The following PEX26 variants were observed in gnomAD, a reference collection of about 807,000 sequenced individuals.
PEX26 encodes peroxisome assembly protein 26.
Under a neutral mutation model 31.4 loss-of-function variants are expected in PEX26, and 18 were observed. That is an observed-to-expected ratio of 0.57 (90% confidence interval 0.40 to 0.85). The LOEUF (loss-of-function observed/expected upper bound fraction) is 0.85. Among genes scored for constraint, PEX26 ranks in the 40% least tolerant of loss-of-function variants. The probability of loss-of-function intolerance (pLI) is 0.00; values close to 1 mark genes in which losing one functional copy is unlikely to be tolerated. For synonymous variants in PEX26, 176 were observed against 166.9 expected (o/e 1.05, Z -0.42); for missense variants, 377 against 383.9 (o/e 0.98, Z 0.15).
chr22:18,098,961 T>G lies in PEX26; in HGVS notation c.*10886T>G, dbSNP rs1251818834. 1 of 152,206 alleles carries G rather than the reference T, an allele frequency of 6.6e-6. No homozygotes were observed. Among genetic ancestry groups the G allele is most frequent in the Non-Finnish European group, 1.5e-5 (1 of 68,040 alleles). 9.4% of individuals were successfully genotyped at this position (152,206 alleles called of 1,614,324 possible). ...ATAGAGAACTGTGCATACAATTACA[T>G]AGGCAACCACAAATCAACCCTTTCT... On this transcript the variant is annotated 3_prime_UTR_variant, in exon 5 of 5. Coordinates refer to ENST00000399744, the MANE Select transcript of PEX26 (RefSeq NM_001127649.3).
rs866831094 is a variant in PEX26 at position 18,088,312 on chromosome 22, G to A, written c.*237G>A. On this transcript the variant is annotated 3_prime_UTR_variant, in exon 5 of 5. Transcript: ENST00000399744. The surrounding 1 kb of genome is among the most constrained non-coding windows in gnomAD (Gnocchi z 4.1). ...CACAGCACCTCCAGAACAGTGCCCC[G>A]GATGACCAGAGGCCCCTTGAAAAGG... 5.5e-5 allele frequency: 36 copies of A among 649,854 alleles called. No individual in the cohort carries two copies. The highest frequency in any genetic ancestry group is 5.3e-4 in the Middle Eastern group (2 of 3,806). The allele number at this position is 649,854 out of a possible 1,614,324, so 40.3% of individuals were successfully genotyped here. A position where few individuals can be genotyped will look rare whatever the true frequency, so the allele number is the denominator to read the frequency against.
Position 18,088,325 on chromosome 22 carries a change from C to T in PEX26, c.*250C>T, listed in dbSNP as rs1926935132. 26 of 623,044 alleles carry T rather than the reference C, an allele frequency of 4.2e-5. 1 individual carries two copies. In the South Asian group the frequency reaches 4.3e-4, roughly 10 times the overall value. The allele number at this position is 623,044 out of a possible 1,614,324, so 38.6% of individuals were successfully genotyped here. On this transcript the variant is annotated 3_prime_UTR_variant, in exon 5 of 5. Transcript: ENST00000399744. This position sits in a 1 kb window ranked among gnomAD's most constrained non-coding sequence, Gnocchi z 4.1. ...GAACAGTGCCCCGGATGACCAGAGG[C>T]CCCTTGAAAAGGAGGGGTTTGGGGA...
chr22:18,086,014 T>A (rs937361429), intron 4 of PEX26, among the ~76,000 whole-genome samples: 2 of 151,922 alleles, frequency 1.3e-5, no homozygotes, highest in African/African-American at 4.8e-5. Context: ...ATGTGGAAAA[T>A]AGGCCGGACA....
At chr22:18,080,090 C>T in intron 2 of PEX26, 76 bp downstream of exon 2, 4 of 1,487,044 alleles carry the variant, frequency 2.7e-6, no homozygotes. Flanking sequence ...AATACCTACT[C>T]TTTTCCCCTT....
At position 18,100,861 on chromosome 22, in the gene PEX26, G is replaced by C. The variant is rs748009072; in HGVS notation, c.*12786G>C. On this transcript the variant is annotated 3_prime_UTR_variant, in exon 5 of 5. Transcript: ENST00000399744. Reference sequence around the variant, plus strand: ...CCTAACAAACTGATCTATATGGAAAGGATTTTCAGCAAACATGCACAAACA... The same window carrying C: ...CCTAACAAACTGATCTATATGGAAACGATTTTCAGCAAACATGCACAAACA... 2 of 152,174 alleles carry C rather than the reference G, an allele frequency of 1.3e-5. No homozygotes were observed. Among genetic ancestry groups the C allele is most frequent in the Non-Finnish European group, 2.9e-5 (2 of 68,030 alleles). 9.4% of individuals were successfully genotyped at this position (152,174 alleles called of 1,614,324 possible).
Position 18,081,576 on chromosome 22 carries a change from C to G in PEX26, c.371+1562C>G, listed in dbSNP as rs902568978. On this transcript the variant is annotated intron_variant, in intron 2 of 4. Transcript: ENST00000399744. ...ATTGTGGAACTGCTTGACTGTCGGC[C>G]GGTGGCAGTACCAGAAGCGGGACTT... The G allele has an allele frequency of 1.8e-5, 3 of 164,872 alleles. No individual in the cohort carries two copies. In the East Asian group the frequency reaches 5.7e-4, roughly 31 times the overall value. The allele number at this position is 164,872 out of a possible 1,614,324, so 10.2% of individuals were successfully genotyped here.
Position 18,092,577 on chromosome 22 carries a change from C to T in PEX26, c.*4502C>T, listed in dbSNP as rs1393878404. On this transcript the variant is annotated 3_prime_UTR_variant, in exon 5 of 5. Transcript: ENST00000399744. Reference sequence around the variant, plus strand: ...AGAAGGAAATACAGGACTCGTGATCCCACCACTCAGAAATAATTACTATTA... The same window carrying T: ...AGAAGGAAATACAGGACTCGTGATCTCACCACTCAGAAATAATTACTATTA... 1 of 152,036 alleles carries T rather than the reference C, an allele frequency of 6.6e-6. No homozygotes were observed. Among genetic ancestry groups the T allele is most frequent in the African/African-American group, 2.4e-5 (1 of 41,396 alleles). 9.4% of individuals were successfully genotyped at this position (152,036 alleles called of 1,614,324 possible). A position where few individuals can be genotyped will look rare whatever the true frequency, so the allele number is the denominator to read the frequency against.
In PEX26 at chr22:18,087,729, G is replaced by T. The variant is rs190621863; in HGVS notation, c.815-243G>T. On this transcript the variant is annotated intron_variant, in intron 4 of 4. Coordinates refer to ENST00000399744, the MANE Select transcript of PEX26 (RefSeq NM_001127649.3). ...CCCGACTCATTGGAGTGATGATGGT[G>T]GGGGAGGAGAACCTGCACCTGCAGG... Among the ~76,000 whole-genome samples, 71 of 152,318 alleles carry T rather than the reference G, an allele frequency of 4.7e-4. No homozygotes were observed. The East Asian group carries it at 0.012, about 26-fold the overall frequency.
rs118188952 is a variant in PEX26 at position 18,089,269 on chromosome 22, G to A, written c.*1194G>A. 254 of 152,766 alleles carry A rather than the reference G, an allele frequency of 1.7e-3. 1 individual carries two copies. Among genetic ancestry groups the A allele is most frequent in the Non-Finnish European group, 2.2e-3 (152 of 68,088 alleles). 9.5% of individuals were successfully genotyped at this position (152,766 alleles called of 1,614,324 possible). On this transcript the variant is annotated 3_prime_UTR_variant, in exon 5 of 5. Transcript: ENST00000399744. Reference sequence around the variant, plus strand: ...GTGTAATGCCCAAATTTTTCTGCTCGTGTGGCCTTGAAAAGTAGGCCAGCC... The same window carrying A: ...GTGTAATGCCCAAATTTTTCTGCTCATGTGGCCTTGAAAAGTAGGCCAGCC...
chr22:18,078,363 G>A lies in PEX26; in HGVS notation c.-14G>A, dbSNP rs1176581796. The A allele has an allele frequency of 5.0e-6, 8 of 1,584,364 alleles. No homozygotes were observed. In the Admixed American group the frequency reaches 1.4e-4, roughly 27 times the overall value. On this transcript the variant is annotated 5_prime_UTR_variant, in exon 1 of 5. Coordinates refer to ENST00000399744, the MANE Select transcript of PEX26 (RefSeq NM_001127649.3). ...CCGACGTCTGAGGACCTGGGCCTTG[G>A]ACCCGGACTCGTTATGAAGAGCGAT...
rs1025917331 is a variant in PEX26 at position 18,095,562 on chromosome 22, C to T, written c.*7487C>T. 6.6e-6 allele frequency: 1 copy of T among 152,188 alleles called. No homozygotes were observed. The highest frequency in any genetic ancestry group is 1.5e-5 in the Non-Finnish European group (1 of 68,048). The allele number at this position is 152,188 out of a possible 1,614,324, so 9.4% of individuals were successfully genotyped here. A position where few individuals can be genotyped will look rare whatever the true frequency, so the allele number is the denominator to read the frequency against. Reference sequence around the variant, plus strand: ...CATTCTGGGAATGCTTCCCACTCCCCTTTTAGTACTTGTTTGTGTTCTGTC... The same window carrying T: ...CATTCTGGGAATGCTTCCCACTCCCTTTTTAGTACTTGTTTGTGTTCTGTC... On this transcript the variant is annotated 3_prime_UTR_variant, in exon 5 of 5. Transcript: ENST00000399744.
intron 1 of PEX26, 58 bp from the exon 2 acceptor site, chr22:18,079,816 G>C: frequency 1.3e-6 from 2 of 1,599,566 alleles, no homozygotes; most frequent in Non-Finnish European, 1.7e-6. Context: ...CAAGGTGGAG[G>C]TGGGAATGGA....
chr22:18,094,801 A>G lies in PEX26; in HGVS notation c.*6726A>G, dbSNP rs543893032. 81 of 121,902 alleles carry G rather than the reference A, an allele frequency of 6.6e-4. No individual in the cohort carries two copies. The highest frequency in any genetic ancestry group is 2.5e-3 in the African/African-American group (81 of 32,424). 7.6% of individuals were successfully genotyped at this position (121,902 alleles called of 1,614,324 possible). Reference sequence around the variant, plus strand: ...TTCTTTTCTTCTTTTTTTTTTTGAGATGGAATCTTGCTCTTGTCACCTAGG... The same window carrying G: ...TTCTTTTCTTCTTTTTTTTTTTGAGGTGGAATCTTGCTCTTGTCACCTAGG... On this transcript the variant is annotated 3_prime_UTR_variant, in exon 5 of 5. Coordinates refer to ENST00000399744, the MANE Select transcript of PEX26 (RefSeq NM_001127649.3).
In PEX26 at chr22:18,090,162, G is replaced by A. The variant is rs1422462053; in HGVS notation, c.*2087G>A. 4 of 152,190 alleles carry A rather than the reference G, an allele frequency of 2.6e-5. No individual in the cohort carries two copies. The highest frequency in any genetic ancestry group is 5.9e-5 in the Non-Finnish European group (4 of 68,038). 9.4% of individuals were successfully genotyped at this position (152,190 alleles called of 1,614,324 possible). Reference sequence around the variant, plus strand: ...CCTGGGGGGAGAAAAGCAGTCAGGTGAGGTTTGAGATTCCTTCTATAGAAT... The same window carrying A: ...CCTGGGGGGAGAAAAGCAGTCAGGTAAGGTTTGAGATTCCTTCTATAGAAT... On this transcript the variant is annotated 3_prime_UTR_variant, in exon 5 of 5. Transcript: ENST00000399744.
In PEX26 at chr22:18,099,952, T is replaced by A. The variant is rs1189866162; in HGVS notation, c.*11877T>A. 1 of 152,242 alleles carries A rather than the reference T, an allele frequency of 6.6e-6. No individual in the cohort carries two copies. Among genetic ancestry groups the A allele is most frequent in the Non-Finnish European group, 1.5e-5 (1 of 68,034 alleles). 9.4% of individuals were successfully genotyped at this position (152,242 alleles called of 1,614,324 possible). On this transcript the variant is annotated 3_prime_UTR_variant, in exon 5 of 5. Transcript: ENST00000399744. ...ACATCAAGATCCTTATTCCAAATAATGTCACATTCTGAGATTTTAGGCAAA... is the reference window on the plus strand; with the variant it reads ...ACATCAAGATCCTTATTCCAAATAAAGTCACATTCTGAGATTTTAGGCAAA...
In PEX26 at chr22:18,096,196, T is replaced by C. The variant is rs1254761979; in HGVS notation, c.*8121T>C. Reference sequence around the variant, plus strand: ...GTGCCTCAGTTACTTCATAGGTTTGTTGTGAGGATTAACTGGTGCTAATCC... The same window carrying C: ...GTGCCTCAGTTACTTCATAGGTTTGCTGTGAGGATTAACTGGTGCTAATCC... On this transcript the variant is annotated 3_prime_UTR_variant, in exon 5 of 5. Transcript: ENST00000399744. The C allele has an allele frequency of 6.6e-6, 1 of 152,178 alleles. No homozygotes were observed. The highest frequency in any genetic ancestry group is 2.4e-5 in the African/African-American group (1 of 41,422). 9.4% of individuals were successfully genotyped at this position (152,178 alleles called of 1,614,324 possible).
intron 2 of PEX26, 83 bp downstream of exon 2, chr22:18,080,097 C>G (rs973662814): frequency 8.3e-6 from 12 of 1,439,846 alleles, no homozygotes; most frequent in African/African-American, 2.8e-5. Context: ...ACTCTTTTCC[C>G]CTTCCCTACT....
chr22:18,079,073 G>A, intron 1 of PEX26: 1 of 243,088 alleles, frequency 4.1e-6, no homozygotes, highest in Non-Finnish European at 6.6e-6. Context: ...TGGGGCTTAC[G>A]CCTGTAATCC....
rs774880307 is a variant in PEX26 at position 18,088,062 on chromosome 22, G to T, written c.905G>T (p.Arg302Leu). ...KAAFSRLYQL[R>L]IRD ...GCATTTTCTCGCCTCTACCAGCTCC[G>T]CATCCGTGACTGAGGGTCCCTGCGC... Residue 302 changes from arginine (R) to leucine (L), a missense_variant, in exon 5 of 5, where the codon CGC (arginine) becomes CTC (leucine). Coordinates refer to ENST00000399744, the MANE Select transcript of PEX26 (RefSeq NM_001127649.3). This position sits in a 1 kb window ranked among gnomAD's most constrained non-coding sequence, Gnocchi z 4.1. 1 of 1,609,122 alleles carries T rather than the reference G, an allele frequency of 6.2e-7. No individual in the cohort carries two copies. The highest frequency in any genetic ancestry group is 8.5e-7 in the Non-Finnish European group (1 of 1,176,450).
Sources: gnomAD v4.1 joint callset for allele counts (sites outside exome capture counted in the v4.1 genomes callset) on GRCh38, gnomAD v4.1.1 for gene constraint, Gnocchi (gnomAD v3.1) non-coding constraint, MANE v1.5 for transcripts, NCBI Gene and HGNC (gene_info 2026-07-23, HGNC 2026-07-21) for gene names.